TRPM3: variants seen among roughly 807,000 people sequenced by gnomAD.
TRPM3 encodes long transient receptor potential channel 3.
TRPM3 carries 77 observed loss-of-function variants against 181.2 expected under a neutral mutation model. That is an observed-to-expected ratio of 0.42 (90% CI 0.35 to 0.51). The LOEUF (loss-of-function observed/expected upper bound fraction) is 0.51. TRPM3 is among the 20% of genes least tolerant of loss of function. The pLI is 0.01. For missense variants in TRPM3, 1,759 were observed against 2,196.7 expected (o/e 0.80, Z 3.98); for synonymous variants, 745 against 796.4 (o/e 0.94, Z 1.09).
chr9:71,032,085 A>AT (rs1640205727), intron 1 of TRPM3, among the ~76,000 whole-genome samples: 2 of 11,708 alleles, frequency 1.7e-4, no homozygotes, highest in Non-Finnish European at 2.5e-4. Context: ...TATTATATAT[A>AT]TATAATTATA....
intron 1 of TRPM3, among the ~76,000 whole-genome samples, chr9:71,058,031 G>C (rs890491730): frequency 2.6e-5 from 4 of 152,008 alleles, no homozygotes; most frequent in African/African-American, 9.7e-5. Flanking sequence ...ATTATCTTGT[G>C]TGTTATCAAT....
intron 1 of TRPM3, among the ~76,000 whole-genome samples, chr9:71,008,958 A>C (rs1325093893): frequency 6.6e-6 from 1 of 152,244 alleles, no homozygotes; most frequent in East Asian, 1.9e-4. Flanking sequence ...ACATTAACAG[A>C]ATTAATTAAA....
At chr9:70,861,955 G>T (rs1201549038) in intron 3 of TRPM3, among the ~76,000 whole-genome samples, 1 of 151,884 alleles carries the variant, frequency 6.6e-6, no homozygotes, top group African/African-American at 2.4e-5. Flanking sequence ...GCAGGGAAAG[G>T]GGAAGAGGAG....
chr9:71,403,536 A>G (rs1350200767), intron 1 of TRPM3, among the ~76,000 whole-genome samples: 1 of 152,230 alleles, frequency 6.6e-6, no homozygotes, highest in Non-Finnish European at 1.5e-5. Context: ...AATGTTTGCT[A>G]TATGCCAGGT....
intron 1 of TRPM3, among the ~76,000 whole-genome samples, chr9:71,005,644 A>G (rs1223633166): frequency 2.0e-5 from 3 of 152,210 alleles, no homozygotes; most frequent in Non-Finnish European, 4.4e-5. Flanking sequence ...AGAGGAAAAA[A>G]AAACTGTCAA....
chr9:71,349,305 C>A (rs2091467169), intron 1 of TRPM3, among the ~76,000 whole-genome samples: 1 of 152,160 alleles, frequency 6.6e-6, no homozygotes, highest in Non-Finnish European at 1.5e-5. Flanking sequence ...AATATCAGGA[C>A]CTTGTACTGT....
At chr9:71,123,175 G>T (rs773534443), upstream of TRPM3, among the ~76,000 whole-genome samples, 74 of 152,150 alleles carry the variant, frequency 4.9e-4, no homozygotes, top group Non-Finnish European at 1.0e-3. Flanking sequence ...TTTCAAAAGG[G>T]ACTTCAGGAA....
Position 71,049,651 on chromosome 9 carries a change from G to C in TRPM3, c.177+71527C>G, listed in dbSNP as rs2059844663. Among the ~76,000 whole-genome samples the C allele has an allele frequency of 3.3e-5, 5 of 152,226 alleles. No individual in the cohort carries two copies. The South Asian group carries it at 1.0e-3, about 32-fold the overall frequency. On this transcript the variant is annotated intron_variant, in intron 1 of 25. Coordinates refer to ENST00000677713, the MANE Select transcript of TRPM3 (RefSeq NM_001366145.2). The stretch of plus-strand genomic sequence containing the variant: ...GACATGGCCAGATGAGAAGGTCCCT[G>C]GAAGCAATTGACACTTGGCCATTTC...
At chr9:70,544,300 G>T (rs73450148) in intron 25 of TRPM3, among the ~76,000 whole-genome samples, 1 of 152,006 alleles carries the variant, frequency 6.6e-6, no homozygotes, top group South Asian at 2.1e-4. Context: ...TTAAACAGAC[G>T]GTATTTTTTG....
intron 8 of TRPM3, among the ~76,000 whole-genome samples, chr9:70,686,831 TTTTTTC>T: frequency 9.8e-6 from 1 of 101,680 alleles, no homozygotes; most frequent in Non-Finnish European, 2.0e-5. Context: ...TTTTCTTTTT[TTTTTTC>T]TTTTTTGAGA....
intron 1 of TRPM3, among the ~76,000 whole-genome samples, chr9:71,071,937 C>T (rs1350243797): frequency 6.6e-6 from 1 of 152,118 alleles, no homozygotes; most frequent in East Asian, 1.9e-4. Flanking sequence ...CACAGAAGTC[C>T]TCTTAGTGCC....
chr9:70,644,879 T>C (rs2058591740), intron 9 of TRPM3, among the ~76,000 whole-genome samples: 1 of 152,322 alleles, frequency 6.6e-6, no homozygotes, highest in South Asian at 2.1e-4. Context: ...ACAAAATCAA[T>C]GTGCAAAAAC....
At chr9:71,156,208 G>A (rs901340788) in intron 1 of TRPM3, among the ~76,000 whole-genome samples, 4 of 151,810 alleles carry the variant, frequency 2.6e-5, no homozygotes, top group African/African-American at 9.7e-5. Context: ...GGTGTTTGAG[G>A]GTGTGAGTTC....
At chr9:71,290,691 T>A (rs2085733528) in intron 1 of TRPM3, among the ~76,000 whole-genome samples, 1 of 152,062 alleles carries the variant, frequency 6.6e-6, no homozygotes, top group South Asian at 2.1e-4. Context: ...GTTAGAGTAA[T>A]CAAGATATTG....
intron 1 of TRPM3, among the ~76,000 whole-genome samples, chr9:71,205,854 T>C (rs1227465037): frequency 6.6e-6 from 1 of 152,198 alleles, no homozygotes; most frequent in Non-Finnish European, 1.5e-5. Context: ...AGAAATGACC[T>C]AAATCCCTGT....
rs187042734 is a variant in TRPM3, at chr9:71,133,636, T to A, written c.184-269125A>T. Among the ~76,000 whole-genome samples, 49 of 152,300 alleles carry A rather than the reference T, an allele frequency of 3.2e-4. No homozygotes were observed. The East Asian group carries it at 9.1e-3, about 28-fold the overall frequency. Reference sequence around the variant, plus strand: ...TTAGAGTTTTAATTTTCTTATTAACTCATAAGAGTTCTTTTTATATTAAGG... The same window carrying A: ...TTAGAGTTTTAATTTTCTTATTAACACATAAGAGTTCTTTTTATATTAAGG... On this transcript the variant is annotated intron_variant, in intron 1 of 24. Transcript: ENST00000357533.
chr9:70,966,262 C>G (rs1200477676), intron 1 of TRPM3, among the ~76,000 whole-genome samples: 2 of 151,950 alleles, frequency 1.3e-5, no homozygotes, highest in East Asian at 1.9e-4. Flanking sequence ...GGCAAGGTTA[C>G]AGAGAAAAGG....
At chr9:70,949,520 C>T (rs920923736) in intron 1 of TRPM3, among the ~76,000 whole-genome samples, 3 of 152,036 alleles carry the variant, frequency 2.0e-5, no homozygotes, top group Non-Finnish European at 4.4e-5. Context: ...GGACTTCTCC[C>T]CCATGCAGGG....
chr9:71,381,332 G>T (rs891589794), intron 1 of TRPM3, among the ~76,000 whole-genome samples: 1 of 152,062 alleles, frequency 6.6e-6, no homozygotes, highest in Non-Finnish European at 1.5e-5. Flanking sequence ...CAAAGTCACA[G>T]AGGTGGAAGA....
Sources: gnomAD v4.1 joint callset for allele counts (sites outside exome capture counted in the v4.1 genomes callset) on GRCh38, gnomAD v4.1.1 for gene constraint, MANE v1.5 for transcripts, NCBI Gene and HGNC (gene_info 2026-07-23, HGNC 2026-07-21) for gene names.